The following NRG3 variants were observed in gnomAD, a reference collection of about 807,000 sequenced individuals.
NRG3 encodes the protein pro-neuregulin-3, membrane-bound isoform.
A neutral mutation model predicts 66.9 loss-of-function variants in NRG3; 31 were observed. That is an observed-to-expected ratio of 0.46 (90% CI 0.35 to 0.63). NRG3 has a LOEUF of 0.63. NRG3 is among the 20% of genes least tolerant of loss of function. The pLI, the probability that NRG3 is intolerant of heterozygous loss-of-function variation, is 0.00. For synonymous variants in NRG3, 393 were observed against 359.4 expected (o/e 1.09, Z -1.06); for missense variants, 910 against 878.9 (o/e 1.04, Z -0.45).
intron 2 of NRG3, among the ~76,000 whole-genome samples, chr10:82,535,024 G>A (rs1336436381): frequency 1.3e-5 from 2 of 150,992 alleles, no homozygotes; most frequent in Non-Finnish European, 2.9e-5. Flanking sequence ...GCATGGTGGT[G>A]CGCCTCTGTA....
At chr10:82,600,255 C>T (rs2047536246) in intron 2 of NRG3, among the ~76,000 whole-genome samples, 1 of 151,940 alleles carries the variant, frequency 6.6e-6, no homozygotes, top group African/African-American at 2.4e-5. Flanking sequence ...GTTCATCCTG[C>T]CAGTAGTTGT....
intron 4 of NRG3, among the ~76,000 whole-genome samples, chr10:82,875,857 T>C (rs1360038039): frequency 6.6e-6 from 1 of 152,200 alleles, no homozygotes; most frequent in Non-Finnish European, 1.5e-5. Flanking sequence ...CATTAACACA[T>C]ATTGGTACCT....
intron 2 of NRG3, among the ~76,000 whole-genome samples, chr10:82,724,858 A>G (rs1041053851): frequency 6.6e-6 from 1 of 152,184 alleles, no homozygotes; most frequent in Non-Finnish European, 1.5e-5. Context: ...AATACAACTT[A>G]TCTCCCAGAT....
intron 1 of NRG3, among the ~76,000 whole-genome samples, chr10:82,124,106 C>T (rs960724546): frequency 5.3e-5 from 8 of 151,988 alleles, no homozygotes; most frequent in African/African-American, 1.9e-4. Context: ...TGATAGGTAA[C>T]TTGTTTTATC....
chr10:82,473,253 G>A (rs1405675437), intron 2 of NRG3, among the ~76,000 whole-genome samples: 1 of 152,210 alleles, frequency 6.6e-6, no homozygotes. Flanking sequence ...GTTTTAGTGG[G>A]TGAAGAAAGG....
chr10:81,875,448 G>C lies in NRG3; in HGVS notation c.108G>C (p.Gly36=). 8.2e-7 allele frequency: 1 copy of C among 1,212,144 alleles called. No homozygotes were observed. Among genetic ancestry groups the C allele is most frequent in the Non-Finnish European group, 1.0e-6 (1 of 975,738 alleles). The allele number at this position is 1,212,144 out of a possible 1,614,324, so 75.1% of individuals were successfully genotyped here. A position where few individuals can be genotyped will look rare whatever the true frequency, so the allele number is the denominator to read the frequency against. The change falls in exon 1 of 9, where the codon GGG becomes GGC. Residue 36 remains glycine, a synonymous_variant. Coordinates refer to ENST00000372141, the MANE Select transcript of NRG3 (RefSeq NM_001010848.4). The surrounding 1 kb of genome is among the most constrained non-coding windows in gnomAD (Gnocchi z 5.3). ...AAAAAAAAAG[G]GPDGGGEGAA... Reference sequence around the variant, plus strand: ...CTGCGGCGGCGGCAGCGGCGGGCGGGGGCCCGGACGGCGGCGGCGAAGGGG... The same window carrying C: ...CTGCGGCGGCGGCAGCGGCGGGCGGCGGCCCGGACGGCGGCGGCGAAGGGG...
At chr10:82,868,251 C>T (rs1175398897) in intron 4 of NRG3, among the ~76,000 whole-genome samples, 1 of 152,136 alleles carries the variant, frequency 6.6e-6, no homozygotes, top group Non-Finnish European at 1.5e-5. Flanking sequence ...GCTATAGATG[C>T]AATCTATGTA....
chr10:81,991,646 A>AT (rs956386637), intron 1 of NRG3, among the ~76,000 whole-genome samples: 12 of 152,192 alleles, frequency 7.9e-5, no homozygotes, highest in South Asian at 2.1e-4. Flanking sequence ...CTGTGATGAG[A>AT]TTTTTTTTAA....
At chr10:82,694,422 C>T (rs2055207828) in intron 2 of NRG3, among the ~76,000 whole-genome samples, 1 of 152,102 alleles carries the variant, frequency 6.6e-6, no homozygotes, top group Admixed American at 6.6e-5. Context: ...TATGTTTTAT[C>T]TTCACGTGTT....
At chr10:82,801,697 C>T (rs1456183140) in intron 3 of NRG3, among the ~76,000 whole-genome samples, 1 of 152,152 alleles carries the variant, frequency 6.6e-6, no homozygotes, top group Non-Finnish European at 1.5e-5. Context: ...CTGGTGCAAA[C>T]AGGGCTTATC....
chr10:82,408,632 AT>A (rs34342938), intron 2 of NRG3, among the ~76,000 whole-genome samples: 19,632 of 129,292 alleles, frequency 0.15, 1,541 homozygotes, highest in East Asian at 0.32. Flanking sequence ...TCATATATAT[AT>A]TATATATATA....
intron 2 of NRG3, among the ~76,000 whole-genome samples, chr10:82,427,050 G>A (rs955640752): frequency 2.3e-4 from 35 of 152,104 alleles, no homozygotes; most frequent in African/African-American, 8.4e-4. Flanking sequence ...CAATCATACT[G>A]AACTTTTAAA....
intron 1 of NRG3, among the ~76,000 whole-genome samples, chr10:82,316,441 T>C (rs1354389553): frequency 2.0e-5 from 3 of 152,080 alleles, no homozygotes; most frequent in Non-Finnish European, 2.9e-5. Context: ...AAGTAGAAAA[T>C]TGAAAGAACA....
intron 1 of NRG3, among the ~76,000 whole-genome samples, chr10:81,987,423 T>C (rs1286132434): frequency 6.6e-6 from 1 of 152,212 alleles, no homozygotes; most frequent in Non-Finnish European, 1.5e-5. Context: ...AATAAAACCT[T>C]TATTTTTTGA....
intron 1 of NRG3, among the ~76,000 whole-genome samples, chr10:82,031,285 G>A (rs962055114): frequency 6.6e-6 from 1 of 152,070 alleles, no homozygotes; most frequent in African/African-American, 2.4e-5. Flanking sequence ...GTGGACCAGG[G>A]ATTTTAATTA....
chr10:82,692,309 G>T (rs906254746), intron 2 of NRG3, among the ~76,000 whole-genome samples: 1 of 150,962 alleles, frequency 6.6e-6, no homozygotes, highest in Non-Finnish European at 1.5e-5. Context: ...TAGATATAGA[G>T]AATGTATGCA....
At chr10:82,527,374 A>G (rs1244654543) in intron 2 of NRG3, among the ~76,000 whole-genome samples, 1 of 152,124 alleles carries the variant, frequency 6.6e-6, no homozygotes, top group Non-Finnish European at 1.5e-5. Flanking sequence ...GTAAACTACA[A>G]TTTTAAAAAA....
chr10:82,730,045 G>A (rs1255715851), intron 2 of NRG3, among the ~76,000 whole-genome samples: 2 of 149,442 alleles, frequency 1.3e-5, no homozygotes, highest in Admixed American at 1.3e-4. Flanking sequence ...TTTAAACTTT[G>A]CTAAAGGGAA....
At chr10:82,611,383 C>T (rs868399168) in intron 2 of NRG3, among the ~76,000 whole-genome samples, 1 of 152,124 alleles carries the variant, frequency 6.6e-6, no homozygotes, top group African/African-American at 2.4e-5. Flanking sequence ...TCGTCATTTA[C>T]ACTAGGTATT....
Sources: allele counts gnomAD v4.1 joint callset (sites outside exome capture counted in the v4.1 genomes callset), GRCh38; gene constraint gnomAD v4.1.1; non-coding constraint Gnocchi (gnomAD v3.1); transcripts MANE v1.5; gene names NCBI Gene and HGNC (gene_info 2026-07-23, HGNC 2026-07-21).